Variants in VWA3B observed in about 807,000 individuals in gnomAD.
VWA3B encodes the protein von Willebrand factor A domain-containing protein 3B.
A neutral mutation model predicts 158.3 loss-of-function variants in VWA3B; 138 were observed. The ratio of observed to expected loss-of-function variants is 0.87; its 90% CI spans 0.76 to 1.00. The LOEUF is 1.00. Among genes scored for constraint, VWA3B ranks in the 50% least tolerant of loss-of-function variants. The pLI is 0.00. For missense variants in VWA3B, 1,555 were observed against 1,565.1 expected, an observed-to-expected ratio of 0.99 and a Z score of 0.11; for synonymous variants, 596 against 587.3, an observed-to-expected ratio of 1.01 and a Z score of -0.21.
chr2:98,210,389 G>A (rs960345331), intron 12 of VWA3B, among the ~76,000 whole-genome samples: 2 of 152,178 alleles, frequency 1.3e-5, no homozygotes, highest in African/African-American at 4.8e-5. Context: ...GTGTTAGGTC[G>A]TCATATTCTA....
At chr2:98,207,664 T>C (rs1184216787) in intron 12 of VWA3B, 1 of 441,718 alleles carries the variant, frequency 2.3e-6, no homozygotes, top group Non-Finnish European at 4.4e-6. Flanking sequence ...AGAACGGGCC[T>C]TCAGTGATGG....
intron 7 of VWA3B, among the ~76,000 whole-genome samples, chr2:98,142,165 A>G (rs1168484285): frequency 1.3e-5 from 2 of 152,034 alleles, no homozygotes; most frequent in Admixed American, 1.3e-4. Context: ...GGAAAATCAC[A>G]CCATAAATAC....
At chr2:98,089,538 C>T (rs865860364) in intron 1 of VWA3B, among the ~76,000 whole-genome samples, 17 of 151,916 alleles carry the variant, frequency 1.1e-4, no homozygotes, top group African/African-American at 3.4e-4. Context: ...AAGGGGGCTA[C>T]GTCCCGGCTC....
intron 21 of VWA3B, among the ~76,000 whole-genome samples, chr2:98,263,734 C>A (rs1687623336): frequency 6.6e-6 from 1 of 151,952 alleles, no homozygotes; most frequent in South Asian, 2.1e-4. Context: ...GTTATGATAT[C>A]AGCGTAATTT....
At chr2:98,138,748 C>T (rs1031594185) in intron 7 of VWA3B, among the ~76,000 whole-genome samples, 7 of 152,184 alleles carry the variant, frequency 4.6e-5, no homozygotes, top group Non-Finnish European at 8.8e-5. Flanking sequence ...GTCAGAATCC[C>T]AGGGCCCCAA....
At chr2:98,299,358 A>G (rs150919971) in intron 24 of VWA3B, among the ~76,000 whole-genome samples, 1 of 152,226 alleles carries the variant, frequency 6.6e-6, no homozygotes, top group Non-Finnish European at 1.5e-5. Flanking sequence ...AAGCTGTGCC[A>G]TGTCTGGCTC....
downstream of VWA3B, among the ~76,000 whole-genome samples, chr2:98,314,955 G>A (rs1380715869): frequency 2.7e-5 from 4 of 149,956 alleles, no homozygotes; most frequent in Non-Finnish European, 4.4e-5. Context: ...TTGAACCCAG[G>A]AGGTTACTCC....
chr2:98,280,063 G>A (rs1267453842), intron 22 of VWA3B, among the ~76,000 whole-genome samples: 1 of 152,232 alleles, frequency 6.6e-6, no homozygotes, highest in African/African-American at 2.4e-5. Flanking sequence ...CCCAAGTGTG[G>A]CTTTTGTTCA....
intron 13 of VWA3B, among the ~76,000 whole-genome samples, chr2:98,214,960 A>T (rs1362019312): frequency 6.6e-6 from 1 of 152,214 alleles, no homozygotes; most frequent in Admixed American, 6.5e-5. Context: ...CACAAGCAAC[A>T]TTCCCGCAAG....
intron 15 of VWA3B, 76 bp downstream of exon 15, chr2:98,228,408 T>C: frequency 6.8e-7 from 1 of 1,466,610 alleles, no homozygotes; most frequent in Non-Finnish European, 9.1e-7. Flanking sequence ...GCCCTTGTCC[T>C]TTCTGAAATG....
intron 20 of VWA3B, 79 bp downstream of exon 20, chr2:98,250,515 A>T: frequency 2.7e-6 from 3 of 1,113,152 alleles, no homozygotes; most frequent in South Asian, 3.4e-5. Context: ...GTTTTAGCTT[A>T]GCTTTTTTTT....
At chr2:98,196,215 T>A (rs1682026492) in intron 12 of VWA3B, among the ~76,000 whole-genome samples, 2 of 152,164 alleles carry the variant, frequency 1.3e-5, no homozygotes, top group African/African-American at 4.8e-5. Flanking sequence ...ACATGGTAAC[T>A]ATAGTTAATA....
At chr2:98,290,833 A>C in intron 23 of VWA3B, 3 of 465,186 alleles carry the variant, frequency 6.4e-6, no homozygotes, top group Non-Finnish European at 7.7e-6. Flanking sequence ...AGAAAAATGC[A>C]CTTATTTTAA....
At chr2:98,096,711 A>G (rs989656198) in intron 2 of VWA3B, among the ~76,000 whole-genome samples, 11 of 152,084 alleles carry the variant, frequency 7.2e-5, no homozygotes, top group Non-Finnish European at 1.5e-4. Flanking sequence ...TTCATGTGTA[A>G]TTGTTCACAG....
chr2:98,131,040 G>C (rs1675830513), intron 6 of VWA3B, among the ~76,000 whole-genome samples: 1 of 152,078 alleles, frequency 6.6e-6, no homozygotes, highest in Admixed American at 6.6e-5. Context: ...CTATCTCACT[G>C]TATGAACCTA....
intron 3 of VWA3B, among the ~76,000 whole-genome samples, chr2:98,116,846 C>T (rs1357391171): frequency 1.3e-5 from 2 of 152,146 alleles, no homozygotes; most frequent in African/African-American, 4.8e-5. Flanking sequence ...TTTTTGTCTG[C>T]CTACATTGAT....
chr2:98,309,917 C>CT (rs1340605459), intron 26 of VWA3B, among the ~76,000 whole-genome samples: 1 of 152,326 alleles, frequency 6.6e-6, no homozygotes, highest in East Asian at 1.9e-4. Flanking sequence ...CAAACCCTGT[C>CT]TGTGAGTGTC....
chr2:98,271,190 C>T (rs1298374315), intron 22 of VWA3B, among the ~76,000 whole-genome samples: 2 of 152,082 alleles, frequency 1.3e-5, no homozygotes, highest in African/African-American at 2.4e-5. Flanking sequence ...AGCCGCAGAT[C>T]TACCATCTAA....
chr2:98,207,239 A>G, intron 12 of VWA3B: 2 of 526,430 alleles, frequency 3.8e-6, no homozygotes, highest in Non-Finnish European at 3.8e-6. Context: ...GTACCTGCTG[A>G]TGACTCGACT....
Sources: gnomAD v4.1 joint callset for allele counts (sites outside exome capture counted in the v4.1 genomes callset) on GRCh38, gnomAD v4.1.1 for gene constraint, MANE v1.5 for transcripts, NCBI Gene and HGNC (gene_info 2026-07-23, HGNC 2026-07-21) for gene names.